Variants in GRIA4 observed in about 807,000 individuals in gnomAD.
GRIA4 encodes the protein glutamate receptor 4.
A neutral mutation model predicts 104.0 loss-of-function variants in GRIA4; 34 were observed. The observed-to-expected ratio is 0.33, with a 90% CI of 0.25 to 0.44. The LOEUF is 0.44. Ranked by LOEUF, GRIA4 falls within the 20% of genes least tolerant of loss-of-function variation. GRIA4 has a pLI of 1.00. For missense variants in GRIA4, 750 were observed against 1,096.5 expected (o/e 0.68, Z 4.46); for synonymous variants, 386 against 381.9 (o/e 1.01, Z -0.13).
intron 6 of GRIA4, among the ~76,000 whole-genome samples, chr11:105,892,568 G>C (rs538338940): frequency 5.3e-5 from 8 of 152,132 alleles, no homozygotes; most frequent in Non-Finnish European, 8.8e-5. Flanking sequence ...TTAGGTGTTT[G>C]ATTAGTTTCA....
chr11:105,964,167 T>TA (rs906585137), intron 14 of GRIA4, among the ~76,000 whole-genome samples: 7 of 152,318 alleles, frequency 4.6e-5, no homozygotes, highest in African/African-American at 1.4e-4. Flanking sequence ...CTTTGGTGAT[T>TA]AAACTAACAA....
intron 14 of GRIA4, among the ~76,000 whole-genome samples, chr11:105,957,253 G>T (rs1010180650): frequency 1.3e-5 from 2 of 151,960 alleles, no homozygotes; most frequent in Non-Finnish European, 2.9e-5. Context: ...GGTCTAACAT[G>T]TAAGTCTTTA....
chr11:105,781,374 C>A (rs541782073), intron 4 of GRIA4, among the ~76,000 whole-genome samples: 60 of 152,058 alleles, frequency 3.9e-4, no homozygotes, highest in Non-Finnish European at 8.7e-4. Context: ...CTGTGGATGT[C>A]CTAGTTGTTT....
At chr11:105,952,667 C>G (rs1948482939) in intron 14 of GRIA4, among the ~76,000 whole-genome samples, 1 of 152,120 alleles carries the variant, frequency 6.6e-6, no homozygotes, top group South Asian at 2.1e-4. Context: ...ACTTGTTCAG[C>G]TCTCCTTGAC....
At chr11:105,706,582 A>T (rs1008219492) in intron 3 of GRIA4, 9 of 153,842 alleles carry the variant, frequency 5.9e-5, no homozygotes, top group African/African-American at 2.2e-4. Flanking sequence ...CTTGTTCAAG[A>T]TGTTGCCAAT....
At chr11:105,736,769 C>T (rs1030976462) in intron 3 of GRIA4, among the ~76,000 whole-genome samples, 1 of 151,854 alleles carries the variant, frequency 6.6e-6, no homozygotes, top group Non-Finnish European at 1.5e-5. Flanking sequence ...TCAAACTATT[C>T]TAACATATGT....
At chr11:105,765,744 T>C (rs1940904000) in intron 4 of GRIA4, among the ~76,000 whole-genome samples, 1 of 152,226 alleles carries the variant, frequency 6.6e-6, no homozygotes, top group Admixed American at 6.6e-5. Context: ...TTTCTTTTTA[T>C]GGCTACTTTC....
chr11:105,875,047 C>G (rs657530), intron 5 of GRIA4, among the ~76,000 whole-genome samples: 56,879 of 151,830 alleles, frequency 0.37, 10,775 homozygotes, highest in Non-Finnish European at 0.41. Context: ...ATCGCCTGTG[C>G]GTTTGTCATG....
intron 3 of GRIA4, among the ~76,000 whole-genome samples, chr11:105,713,901 T>C (rs954780328): frequency 6.6e-6 from 1 of 152,190 alleles, no homozygotes; most frequent in African/African-American, 2.4e-5. Flanking sequence ...GAAACACTTC[T>C]GTGTGTGCTG....
intron 5 of GRIA4, among the ~76,000 whole-genome samples, chr11:105,879,478 T>C (rs906619746): frequency 6.6e-6 from 1 of 152,216 alleles, no homozygotes; most frequent in African/African-American, 2.4e-5. Context: ...TCAATATACA[T>C]TTGGAAAAGT....
intron 3 of GRIA4, among the ~76,000 whole-genome samples, chr11:105,743,644 G>A (rs1939463196): frequency 2.6e-5 from 4 of 152,052 alleles, no homozygotes; most frequent in African/African-American, 7.2e-5. Context: ...CTACCAGCTA[G>A]ACACCTGGGA....
chr11:105,827,934 T>C (rs1022991516), intron 4 of GRIA4, among the ~76,000 whole-genome samples: 1 of 152,040 alleles, frequency 6.6e-6, no homozygotes, highest in Non-Finnish European at 1.5e-5. Flanking sequence ...TGGTATAAAG[T>C]AGAATTTTAG....
intron 14 of GRIA4, among the ~76,000 whole-genome samples, chr11:105,951,054 C>A (rs1201243272): frequency 6.6e-6 from 1 of 152,258 alleles, no homozygotes; most frequent in Non-Finnish European, 1.5e-5. Flanking sequence ...ATGGGCATAA[C>A]CTCTAACCTA....
chr11:105,953,673 A>G (rs1475914757), intron 14 of GRIA4, among the ~76,000 whole-genome samples: 2 of 152,104 alleles, frequency 1.3e-5, no homozygotes, highest in Non-Finnish European at 2.9e-5. Context: ...ACACACACAC[A>G]CACATTTGCT....
intron 3 of GRIA4, among the ~76,000 whole-genome samples, chr11:105,617,215 A>G (rs1040612871): frequency 2.7e-5 from 4 of 150,354 alleles, no homozygotes; most frequent in Admixed American, 6.6e-5. Flanking sequence ...ACACTTTATG[A>G]CAACCATATA....
intron 4 of GRIA4, among the ~76,000 whole-genome samples, chr11:105,848,461 T>A (rs1405107183): frequency 6.6e-6 from 1 of 152,192 alleles, no homozygotes; most frequent in African/African-American, 2.4e-5. Flanking sequence ...ACTTTTTCTG[T>A]CCCCAGAGTG....
At chr11:105,945,829 T>C (rs1948292810) in intron 14 of GRIA4, among the ~76,000 whole-genome samples, 1 of 152,220 alleles carries the variant, frequency 6.6e-6, no homozygotes, top group South Asian at 2.1e-4. Context: ...CAGCTGTTAA[T>C]TTCTCTATTT....
At chr11:105,680,507 A>T (rs1952675230) in intron 3 of GRIA4, among the ~76,000 whole-genome samples, 1 of 152,116 alleles carries the variant, frequency 6.6e-6, no homozygotes, top group African/African-American at 2.4e-5. Context: ...GGTGAAGAAC[A>T]TAGTAAGACT....
At position 105,721,676 on chromosome 11, in the gene GRIA4, C is replaced by A. The variant is rs564695054; in HGVS notation, c.248-31305C>A. Among the ~76,000 whole-genome samples the A allele has an allele frequency of 3.3e-5, 5 of 152,316 alleles. No individual in the cohort carries two copies. In the South Asian group the frequency reaches 1.0e-3, roughly 32 times the overall value. On this transcript the variant is annotated intron_variant, in intron 3 of 16. Coordinates refer to ENST00000282499, the MANE Select transcript of GRIA4 (RefSeq NM_000829.4). ...AAAAACTTAATTAAACAAGCAATTACACAAATTACTTGTGCAATTATTAAT... is the reference window on the plus strand; with the variant it reads ...AAAAACTTAATTAAACAAGCAATTAAACAAATTACTTGTGCAATTATTAAT...
Sources: gnomAD v4.1 joint callset for allele counts (sites outside exome capture counted in the v4.1 genomes callset) on GRCh38, gnomAD v4.1.1 for gene constraint, MANE v1.5 for transcripts, NCBI Gene and HGNC (gene_info 2026-07-23, HGNC 2026-07-21) for gene names.